The following ZBTB38 variants were observed in gnomAD, a reference collection of about 807,000 sequenced individuals.
ZBTB38 encodes zinc finger and BTB domain containing 38, also known as zinc finger and BTB domain-containing protein 38.
A neutral mutation model predicts 76.8 loss-of-function variants in ZBTB38; 20 were observed. The ratio of observed to expected loss-of-function variants is 0.26; its 90% CI spans 0.18 to 0.38. The LOEUF is 0.38. ZBTB38 is among the 10% of genes least tolerant of loss of function. ZBTB38 has a pLI of 1.00. For missense variants in ZBTB38, 1,082 were observed against 1,482.3 expected (o/e 0.73, Z 4.43); for synonymous variants, 504 against 544.2 (o/e 0.93, Z 1.03).
At chr3:141,360,971 A>G (rs934170694) in intron 1 of ZBTB38, among the ~76,000 whole-genome samples, 1 of 152,014 alleles carries the variant, frequency 6.6e-6, no homozygotes, top group East Asian at 1.9e-4. Context: ...AAATTCTCTG[A>G]CTCCGTCAAT....
chr3:141,342,825 G>A (rs1289423789), intron 1 of ZBTB38, among the ~76,000 whole-genome samples: 1 of 149,510 alleles, frequency 6.7e-6, no homozygotes, highest in Non-Finnish European at 1.5e-5. Context: ...GTTGCTGAGA[G>A]AAATAATGAT....
At chr3:141,377,523 C>T (rs1214422019) in intron 2 of ZBTB38, among the ~76,000 whole-genome samples, 3 of 152,126 alleles carry the variant, frequency 2.0e-5, no homozygotes. Flanking sequence ...ATGGTACAGC[C>T]ACTCTAGGAA....
At chr3:141,329,447 T>C (rs559386350) in intron 1 of ZBTB38, among the ~76,000 whole-genome samples, 36 of 152,350 alleles carry the variant, frequency 2.4e-4, no homozygotes, top group African/African-American at 8.4e-4. Flanking sequence ...ACATCCTTCT[T>C]TGAGGGTCTC....
intron 4 of ZBTB38, among the ~76,000 whole-genome samples, chr3:141,403,457 T>C (rs1465718424): frequency 6.6e-6 from 1 of 152,214 alleles, no homozygotes; most frequent in Non-Finnish European, 1.5e-5. Context: ...CTTAAAGATA[T>C]AGAATATATA....
upstream of ZBTB38, among the ~76,000 whole-genome samples, chr3:141,364,592 G>A (rs143306385): frequency 0.012 from 1,705 of 146,634 alleles, 11 homozygotes; most frequent in Non-Finnish European, 0.017. Context: ...CAGGAGAATC[G>A]CTTGAACCCG....
At chr3:141,347,723 C>T (rs1475294963) in intron 1 of ZBTB38, among the ~76,000 whole-genome samples, 1 of 152,370 alleles carries the variant, frequency 6.6e-6, no homozygotes, top group East Asian at 1.9e-4. Context: ...CTGACAGTAG[C>T]AGAGGCCTGG....
At chr3:141,353,026 A>C (rs1943566087) in intron 1 of ZBTB38, among the ~76,000 whole-genome samples, 1 of 152,024 alleles carries the variant, frequency 6.6e-6, no homozygotes, top group African/African-American at 2.4e-5. Flanking sequence ...CCCCATCCCC[A>C]AACCTTGAAA....
At chr3:141,423,457 T>A (rs1020581817) in intron 5 of ZBTB38, among the ~76,000 whole-genome samples, 37 of 152,226 alleles carry the variant, frequency 2.4e-4, no homozygotes, top group African/African-American at 7.7e-4. Flanking sequence ...ATAGTTTTTT[T>A]AAAAACCAGG....
At chr3:141,375,455 G>A (rs927562505) in intron 2 of ZBTB38, among the ~76,000 whole-genome samples, 2 of 152,220 alleles carry the variant, frequency 1.3e-5, no homozygotes, top group African/African-American at 4.8e-5. Context: ...CGTACTTCAA[G>A]ACACTCTTGG....
rs1353177090 is a variant in ZBTB38 at position 141,448,657 on chromosome 3, T to C, written c.*2681T>C. 1 of 152,264 alleles carries C rather than the reference T, an allele frequency of 6.6e-6. No individual in the cohort carries two copies. The highest frequency in any genetic ancestry group is 1.9e-4 in the East Asian group (1 of 5,202). The allele number at this position is 152,264 out of a possible 1,614,324, so 9.4% of individuals were successfully genotyped here. A position where few individuals can be genotyped will look rare whatever the true frequency, so the allele number is the denominator to read the frequency against. ...AGTCTAATTTTATTTTTAGAAATAA[T>C]GGATATAAATTTGTTTTTGCTTGAT... On this transcript the variant is annotated 3_prime_UTR_variant, in exon 6 of 6. Coordinates refer to ENST00000321464, the MANE Select transcript of ZBTB38 (RefSeq NM_001376113.1).
At chr3:141,345,352 C>T (rs917042524) in intron 1 of ZBTB38, among the ~76,000 whole-genome samples, 1 of 151,908 alleles carries the variant, frequency 6.6e-6, no homozygotes, top group Non-Finnish European at 1.5e-5. Context: ...CAGGGCTACC[C>T]TTGGCTATGG....
Position 141,447,816 on chromosome 3 carries a change from T to G in ZBTB38, c.*1840T>G, listed in dbSNP as rs2151030368. 3.3e-5 allele frequency: 5 copies of G among 152,724 alleles called. No homozygotes were observed. The Middle Eastern group carries it at 0.01, about 312-fold the overall frequency. 9.5% of individuals were successfully genotyped at this position (152,724 alleles called of 1,614,324 possible). On this transcript the variant is annotated 3_prime_UTR_variant, in exon 6 of 6. Coordinates refer to ENST00000321464, the MANE Select transcript of ZBTB38 (RefSeq NM_001376113.1). Reference sequence around the variant, plus strand: ...ATGATTAAAGTTGACCTTTTAATACTGTAGTACCTTGCTGTTAAGTAACCC... The same window carrying G: ...ATGATTAAAGTTGACCTTTTAATACGGTAGTACCTTGCTGTTAAGTAACCC...
In ZBTB38 at chr3:141,368,552, C is replaced by T. The variant is rs944153356; in HGVS notation, c.-562C>T. 6 of 152,328 alleles carry T rather than the reference C, an allele frequency of 3.9e-5. No individual in the cohort carries two copies. Among genetic ancestry groups the T allele is most frequent in the Admixed American group, 2.6e-4 (4 of 15,310 alleles). 9.4% of individuals were successfully genotyped at this position (152,328 alleles called of 1,614,324 possible). ...TGCAGCAAATCTCAAAATAAAGAGG[C>T]AACGGCCTTTCTCTTCCTCTCCATC... On this transcript the variant is annotated 5_prime_UTR_variant, in exon 1 of 6. Coordinates refer to ENST00000321464, the MANE Select transcript of ZBTB38 (RefSeq NM_001376113.1).
chr3:141,343,093 G>T (rs1943244220), intron 1 of ZBTB38, among the ~76,000 whole-genome samples: 1 of 152,092 alleles, frequency 6.6e-6, no homozygotes, highest in Non-Finnish European at 1.5e-5. Context: ...TACATTTTGG[G>T]CATTGCATAC....
rs753690838 is a variant in ZBTB38, at chr3:141,443,035, G to A, written c.647G>A (p.Arg216His). Residue 216 changes from arginine (R) to histidine (H), a missense_variant, in exon 6 of 6, where the codon CGC becomes CAC. Arg to His is a conservative substitution (Grantham distance 29, BLOSUM62 0). This residue lies in a region of ZBTB38 where 324 missense variants were observed against 359.1 expected (regional missense o/e 0.90). Coordinates refer to ENST00000321464, the MANE Select transcript of ZBTB38 (RefSeq NM_001376113.1). This position sits in a 1 kb window ranked among gnomAD's most constrained non-coding sequence, Gnocchi z 5.6. ...TDVCHEAEPV[R>H]TLAEHSYAVS... is the part of the protein sequence containing the mutation. Reference sequence around the variant, plus strand: ...GTCTGCCACGAGGCAGAGCCTGTCCGCACACTTGCCGAGCACTCATACGCT... The same window carrying A: ...GTCTGCCACGAGGCAGAGCCTGTCCACACACTTGCCGAGCACTCATACGCT... The A allele has an allele frequency of 1.9e-5, 30 of 1,614,100 alleles. No individual in the cohort carries two copies. The highest frequency in any genetic ancestry group is 2.5e-5 in the Non-Finnish European group (29 of 1,180,048).
intron 5 of ZBTB38, among the ~76,000 whole-genome samples, chr3:141,436,600 C>T (rs1436742415): frequency 6.6e-6 from 1 of 152,104 alleles, no homozygotes; most frequent in Admixed American, 6.6e-5. Context: ...CAGGTTCAAG[C>T]GATTCTCCTT....
chr3:141,326,748 T>G (rs1297786762), intron 1 of ZBTB38, among the ~76,000 whole-genome samples: 4 of 152,222 alleles, frequency 2.6e-5, no homozygotes, highest in African/African-American at 9.6e-5. Flanking sequence ...AGGACTTTAT[T>G]TATCTATAAT....
At chr3:141,361,624 G>C (rs1230305836) in intron 1 of ZBTB38, among the ~76,000 whole-genome samples, 2 of 152,206 alleles carry the variant, frequency 1.3e-5, no homozygotes, top group Admixed American at 6.5e-5. Context: ...ACAAGTTCAA[G>C]GTGTGAATGT....
chr3:141,431,093 C>G (rs1244864801), intron 5 of ZBTB38, among the ~76,000 whole-genome samples: 1 of 151,832 alleles, frequency 6.6e-6, no homozygotes, highest in African/African-American at 2.4e-5. Flanking sequence ...GAGGCCGAGG[C>G]AGGAGGATCA....
Sources: allele counts gnomAD v4.1 joint callset (sites outside exome capture counted in the v4.1 genomes callset), GRCh38; gene constraint gnomAD v4.1.1; regional missense constraint gnomAD v4.1.1; non-coding constraint Gnocchi (gnomAD v3.1); transcripts MANE v1.5; gene names NCBI Gene and HGNC (gene_info 2026-07-23, HGNC 2026-07-21).